CAMTA1: variants seen among roughly 807,000 people sequenced by gnomAD.
CAMTA1 encodes the protein calmodulin-binding transcription activator 1.
CAMTA1 carries 27 observed loss-of-function variants against 170.9 expected under a neutral mutation model. The ratio of observed to expected loss-of-function variants is 0.16; its 90% confidence interval spans 0.12 to 0.22. The LOEUF (loss-of-function observed/expected upper bound fraction) is 0.22. Ranked by LOEUF, CAMTA1 falls within the 10% of genes least tolerant of loss-of-function variation. CAMTA1 has a pLI of 1.00. For missense variants in CAMTA1, 1,619 were observed against 2,217.2 expected (o/e 0.73, Z 5.42); for synonymous variants, 833 against 891.5 (o/e 0.93, Z 1.17).
intron 5 of CAMTA1, among the ~76,000 whole-genome samples, chr1:7,276,814 G>T (rs1341541376): frequency 2.0e-5 from 3 of 152,150 alleles, no homozygotes; most frequent in African/African-American, 7.2e-5. Flanking sequence ...CATGTGCATA[G>T]AAAGTGTTAA....
intron 5 of CAMTA1, among the ~76,000 whole-genome samples, chr1:7,323,169 A>G (rs1678720269): frequency 6.6e-6 from 1 of 152,040 alleles, no homozygotes. Context: ...TCAAAGTACT[A>G]CTTTAGATGC....
chr1:7,369,779 C>A (rs1013778877), intron 5 of CAMTA1, among the ~76,000 whole-genome samples: 1 of 152,182 alleles, frequency 6.6e-6, no homozygotes, highest in African/African-American at 2.4e-5. Context: ...AACACACCCC[C>A]TTATCACATT....
chr1:6,908,219 C>G (rs1050053946), intron 3 of CAMTA1, among the ~76,000 whole-genome samples: 1 of 152,248 alleles, frequency 6.6e-6, no homozygotes, highest in Non-Finnish European at 1.5e-5. Context: ...ATCCCACGTC[C>G]TGTCCCCTCC....
chr1:7,320,840 A>G (rs1678302554), intron 5 of CAMTA1, among the ~76,000 whole-genome samples: 1 of 152,034 alleles, frequency 6.6e-6, no homozygotes, highest in Non-Finnish European at 1.5e-5. Context: ...AGTTGGGCCC[A>G]TGGGCTCAGT....
chr1:7,217,805 T>G (rs533015388), intron 4 of CAMTA1, among the ~76,000 whole-genome samples: 1 of 152,326 alleles, frequency 6.6e-6, no homozygotes, highest in Admixed American at 6.5e-5. Context: ...GGTTTTGTCT[T>G]TCCTTTTTTT....
chr1:6,810,577 C>T (rs1645044001), intron 1 of CAMTA1, among the ~76,000 whole-genome samples: 1 of 152,144 alleles, frequency 6.6e-6, no homozygotes, highest in South Asian at 2.1e-4. Flanking sequence ...GAGGCTGAGG[C>T]AGGCAGATCA....
chr1:7,707,416 C>T (rs1002842334), intron 11 of CAMTA1, among the ~76,000 whole-genome samples: 4 of 152,180 alleles, frequency 2.6e-5, no homozygotes, highest in African/African-American at 7.2e-5. Context: ...CACTCTGTCT[C>T]CCAGGCTGGA....
chr1:7,463,455 A>G lies in CAMTA1; in HGVS notation c.439-4375A>G, dbSNP rs1347264563. 2.6e-5 allele frequency among the ~76,000 whole-genome samples: 4 copies of G among 152,022 alleles called. No homozygotes were observed. Among genetic ancestry groups the G allele is most frequent in the African/African-American group, 9.7e-5 (4 of 41,382 alleles). On this transcript the variant is annotated intron_variant, in intron 5 of 22. Coordinates refer to ENST00000303635, the MANE Select transcript of CAMTA1 (RefSeq NM_015215.4). The surrounding 1 kb of genome is among the most constrained non-coding windows in gnomAD (Gnocchi z 4.7). ...GAGAGACAGATGGGGGAAATGGGAG[A>G]GAGACAGAGAGAGGACAAGACAGCT...
chr1:7,713,353 C>T (rs1169581969), intron 11 of CAMTA1, among the ~76,000 whole-genome samples: 1 of 152,116 alleles, frequency 6.6e-6, no homozygotes, highest in Non-Finnish European at 1.5e-5. Context: ...CTGTCTATAT[C>T]AAAAAGGTAT....
chr1:6,969,406 G>T (rs1385363153), intron 3 of CAMTA1, among the ~76,000 whole-genome samples: 1 of 152,178 alleles, frequency 6.6e-6, no homozygotes, highest in Non-Finnish European at 1.5e-5. Context: ...TTGGGTGAGG[G>T]TTCCTGGGCT....
intron 6 of CAMTA1, among the ~76,000 whole-genome samples, chr1:7,546,403 T>C (rs984933665): frequency 2.0e-5 from 3 of 152,350 alleles, no homozygotes; most frequent in Admixed American, 6.5e-5. Context: ...CAGTTTATCA[T>C]TGATGGGCAT....
intron 5 of CAMTA1, among the ~76,000 whole-genome samples, chr1:7,395,153 G>A (rs953276569): frequency 3.9e-5 from 6 of 152,166 alleles, no homozygotes; most frequent in Admixed American, 3.3e-4. Context: ...AAAGTGCTGG[G>A]ATTACAGGCG....
chr1:6,849,327 C>G (rs1262460233), intron 3 of CAMTA1, among the ~76,000 whole-genome samples: 4 of 152,054 alleles, frequency 2.6e-5, no homozygotes, highest in African/African-American at 7.3e-5. Flanking sequence ...GATTTGGGAC[C>G]TAGAGAGAGC....
chr1:7,442,025 G>A (rs2092554519), intron 5 of CAMTA1, among the ~76,000 whole-genome samples: 1 of 152,090 alleles, frequency 6.6e-6, no homozygotes, highest in African/African-American at 2.4e-5. Context: ...TGGCTTCTGG[G>A]GGCCCCAGGA....
chr1:7,221,055 G>A (rs1000399685), intron 4 of CAMTA1, among the ~76,000 whole-genome samples: 9 of 152,164 alleles, frequency 5.9e-5, no homozygotes, highest in African/African-American at 1.7e-4. Context: ...AGCAAGCACC[G>A]AAGGCCGGCA....
intron 5 of CAMTA1, among the ~76,000 whole-genome samples, chr1:7,449,932 G>A (rs1433826844): frequency 1.3e-5 from 2 of 152,072 alleles, no homozygotes; most frequent in East Asian, 1.9e-4. Flanking sequence ...ACCACACTTC[G>A]CAACAAGACC....
chr1:7,377,364 G>T (rs1208360906), intron 5 of CAMTA1, among the ~76,000 whole-genome samples: 2 of 152,226 alleles, frequency 1.3e-5, no homozygotes, highest in Non-Finnish European at 2.9e-5. Context: ...GTCCGGCCCT[G>T]TCCTGCGATT....
intron 4 of CAMTA1, among the ~76,000 whole-genome samples, chr1:7,238,961 A>G (rs115486883): frequency 0.013 from 2,000 of 152,270 alleles, 41 homozygotes; most frequent in African/African-American, 0.046. Context: ...CCACAGCCCC[A>G]CCTCTGCACA....
chr1:7,373,205 C>T (rs972062435), intron 5 of CAMTA1, among the ~76,000 whole-genome samples: 1 of 152,232 alleles, frequency 6.6e-6, no homozygotes, highest in Non-Finnish European at 1.5e-5. Flanking sequence ...CCTTGGCCTC[C>T]ACCTCCTGGA....
Sources: gnomAD v4.1 joint callset for allele counts (sites outside exome capture counted in the v4.1 genomes callset) on GRCh38, gnomAD v4.1.1 for gene constraint, Gnocchi (gnomAD v3.1) non-coding constraint, MANE v1.5 for transcripts, NCBI Gene and HGNC (gene_info 2026-07-23, HGNC 2026-07-21) for gene names.